RSPO2: variants seen among roughly 807,000 people sequenced by gnomAD.
RSPO2 encodes the protein R-spondin-2.
A neutral mutation model predicts 30.9 loss-of-function variants in RSPO2; 14 were observed. The ratio of observed to expected loss-of-function variants is 0.45; its 90% confidence interval spans 0.30 to 0.71. RSPO2 has a LOEUF of 0.71. Ranked by LOEUF, RSPO2 falls within the 30% of genes least tolerant of loss-of-function variation. The probability of loss-of-function intolerance (pLI) is 0.08; values close to 1 mark genes in which losing one functional copy is unlikely to be tolerated. For synonymous variants in RSPO2, 107 were observed against 96.4 expected (o/e 1.11, Z -0.64); for missense variants, 264 against 301.9 (o/e 0.87, Z 0.93).
At chr8:108,044,783 C>T (rs1563576899) in intron 2 of RSPO2, among the ~76,000 whole-genome samples, 1 of 152,138 alleles carries the variant, frequency 6.6e-6, no homozygotes, top group Non-Finnish European at 1.5e-5. Context: ...AATCTCCAAA[C>T]TGCTTTCCAC....
chr8:108,001,970 G>GA (rs1815262807), intron 2 of RSPO2, among the ~76,000 whole-genome samples: 1 of 152,118 alleles, frequency 6.6e-6, no homozygotes, highest in Non-Finnish European at 1.5e-5. Flanking sequence ...GGATTGATGG[G>GA]TGCAGCAAAC....
chr8:107,995,841 C>T (rs1224253900), intron 2 of RSPO2, among the ~76,000 whole-genome samples: 1 of 152,100 alleles, frequency 6.6e-6, no homozygotes, highest in Non-Finnish European at 1.5e-5. Flanking sequence ...CCTACCTCTC[C>T]CTACTTCACT....
At chr8:107,983,992 G>A (rs144757464) in intron 3 of RSPO2, 151 of 719,882 alleles carry the variant, frequency 2.1e-4, no homozygotes, top group African/African-American at 1.7e-3. Flanking sequence ...CACCAAAAGG[G>A]GAAAAGAGGA....
chr8:108,058,511 T>C (rs1170778928), intron 2 of RSPO2, among the ~76,000 whole-genome samples: 1 of 152,106 alleles, frequency 6.6e-6, no homozygotes, highest in Non-Finnish European at 1.5e-5. Context: ...AAAGTTCATA[T>C]GGAACCAAAA....
At chr8:107,911,843 T>G (rs1219912503) in intron 5 of RSPO2, among the ~76,000 whole-genome samples, 1 of 152,132 alleles carries the variant, frequency 6.6e-6, no homozygotes, top group Non-Finnish European at 1.5e-5. Flanking sequence ...ATGCCTTTGA[T>G]CTCGTAATCA....
rs747227279 is a variant in RSPO2, at chr8:107,958,191, G to A, written c.505C>T (p.Leu169=). 2.2e-5 allele frequency: 35 copies of A among 1,613,580 alleles called. No individual in the cohort carries two copies. Among genetic ancestry groups the A allele is most frequent in the Non-Finnish European group, 2.9e-5 (34 of 1,179,770 alleles). ...NNRTCGFKWG[L]ETRTRQIVKK... is the part of the protein sequence containing the mutation. The stretch of plus-strand genomic sequence containing the variant: ...ACAATTTGCCGTGTTCTGGTTTCCA[G>A]ACCCCATTTAAATCCACATGTGCGA... Residue 169 remains leucine (L), a synonymous_variant, in exon 5 of 6, where the codon CTG becomes TTG. Coordinates refer to ENST00000276659, the MANE Select transcript of RSPO2 (RefSeq NM_178565.5).
At chr8:107,905,830 GTATT>G (rs1313995853) in intron 5 of RSPO2, among the ~76,000 whole-genome samples, 3 of 151,670 alleles carry the variant, frequency 2.0e-5, no homozygotes, top group South Asian at 2.1e-4. Context: ...GTAGCAAGAG[GTATT>G]TATTTAAGAC....
chr8:107,958,184 G>T lies in RSPO2; in HGVS notation c.512C>A (p.Thr171Asn). The T allele has an allele frequency of 6.2e-7, 1 of 1,613,562 alleles. No individual in the cohort carries two copies. Among genetic ancestry groups the T allele is most frequent in the Non-Finnish European group, 8.5e-7 (1 of 1,179,760 alleles). ...RTCGFKWGLE[T>N]RTRQIVKKPV... The stretch of plus-strand genomic sequence containing the variant: ...CTTTTTAACAATTTGCCGTGTTCTG[G>T]TTTCCAGACCCCATTTAAATCCACA... The change falls in exon 5 of 6, where the codon ACC becomes AAC. Residue 171 changes from threonine (T) to asparagine (N), a missense_variant. Transcript: ENST00000276659.
chr8:107,919,931 C>T (rs953549177), intron 5 of RSPO2, among the ~76,000 whole-genome samples: 15 of 152,120 alleles, frequency 9.9e-5, no homozygotes, highest in African/African-American at 3.6e-4. Flanking sequence ...ACTTTTCTGG[C>T]TCTGATGAAG....
chr8:108,060,592 C>A (rs898033368), intron 2 of RSPO2, among the ~76,000 whole-genome samples: 8 of 151,778 alleles, frequency 5.3e-5, no homozygotes, highest in Admixed American at 1.3e-4. Context: ...AGAATGGAAC[C>A]AAGTTGGAAA....
intron 2 of RSPO2, among the ~76,000 whole-genome samples, chr8:108,000,996 CT>C (rs959054156): frequency 1.4e-4 from 21 of 150,398 alleles, no homozygotes; most frequent in African/African-American, 5.1e-4. Context: ...GAGCGACACT[CT>C]GTCTTAAAAA....
In RSPO2 at chr8:108,051,538, G is replaced by C. The variant is rs115035848; in HGVS notation, c.94+31007C>G. ...GCCTAAGCAATAAAAATAGCAATGC[G>C]TGAATGGTTTGAGAGCAGGGCAGAA... On this transcript the variant is annotated intron_variant, in intron 2 of 5. Transcript: ENST00000276659. Among the ~76,000 whole-genome samples the C allele has an allele frequency of 8.5e-3, 1,294 of 152,304 alleles. 35 individuals are homozygous for C. The highest frequency in any genetic ancestry group is 0.03 in the African/African-American group (1,231 of 41,578).
chr8:108,002,093 C>T (rs889639274), intron 2 of RSPO2, among the ~76,000 whole-genome samples: 3 of 152,162 alleles, frequency 2.0e-5, no homozygotes, highest in Non-Finnish European at 2.9e-5. Flanking sequence ...TAAGCCTTAG[C>T]TTGAAACTGC....
chr8:107,922,423 G>A (rs1266642209), intron 5 of RSPO2, among the ~76,000 whole-genome samples: 1 of 151,760 alleles, frequency 6.6e-6, no homozygotes, highest in African/African-American at 2.4e-5. Flanking sequence ...ACACTGCTCA[G>A]AGAAGTCAGA....
chr8:108,023,942 C>T (rs1196585194), intron 2 of RSPO2, among the ~76,000 whole-genome samples: 1 of 152,126 alleles, frequency 6.6e-6, no homozygotes, highest in Non-Finnish European at 1.5e-5. Context: ...TTAGAAGCCA[C>T]TCAGATTACC....
chr8:108,069,200 A>AAC (rs56977468), intron 2 of RSPO2, among the ~76,000 whole-genome samples: 11,847 of 148,274 alleles, frequency 0.08, 510 homozygotes, highest in South Asian at 0.16. Context: ...TGTATGTGTG[A>AAC]ACACACACAC....
At chr8:108,040,758 T>C (rs1418932081) in intron 2 of RSPO2, among the ~76,000 whole-genome samples, 1 of 152,152 alleles carries the variant, frequency 6.6e-6, no homozygotes, top group Non-Finnish European at 1.5e-5. Context: ...GGCTAAAATA[T>C]TGATCTGGGC....
chr8:108,010,651 C>T (rs1810674715), intron 2 of RSPO2, among the ~76,000 whole-genome samples: 3 of 151,946 alleles, frequency 2.0e-5, no homozygotes, highest in Non-Finnish European at 4.4e-5. Flanking sequence ...CAGGGGTTGA[C>T]GTGGGAGCAG....
At chr8:108,034,167 A>G (rs2130642023) in intron 2 of RSPO2, among the ~76,000 whole-genome samples, 1 of 152,204 alleles carries the variant, frequency 6.6e-6, no homozygotes, top group African/African-American at 2.4e-5. Flanking sequence ...TCTACAAAAT[A>G]TTTAAGAAAT....
Sources: allele counts gnomAD v4.1 joint callset (sites outside exome capture counted in the v4.1 genomes callset), GRCh38; gene constraint gnomAD v4.1.1; transcripts MANE v1.5; gene names NCBI Gene and HGNC (gene_info 2026-07-23, HGNC 2026-07-21).